Variants in AFF2 observed in about 807,000 individuals in gnomAD.
AFF2 encodes the protein AF4/FMR2 family member 2.
In AFF2, 14 loss-of-function variants were observed where a neutral mutation model predicts 76.9. The ratio of observed to expected loss-of-function variants is 0.18; its 90% CI spans 0.12 to 0.28. The LOEUF (loss-of-function observed/expected upper bound fraction) is 0.28. Among genes scored for constraint, AFF2 ranks in the 10% least tolerant of loss-of-function variants. AFF2 has a pLI of 1.00. For missense variants in AFF2, 868 were observed against 1,001.1 expected (o/e 0.87, Z 1.79); for synonymous variants, 398 against 366.7 (o/e 1.09, Z -0.98).
intron 7 of AFF2, among the ~76,000 whole-genome samples, chrX:148,881,161 G>T (rs2071091142): frequency 8.9e-6 from 1 of 111,807 alleles, no homozygotes; most frequent in African/African-American, 3.3e-5. Context: ...ACACCATTTT[G>T]TAGTTCACAA....
intron 1 of AFF2, among the ~76,000 whole-genome samples, chrX:148,564,163 T>G (rs1167557355): frequency 8.9e-6 from 1 of 111,888 alleles, no homozygotes; most frequent in Non-Finnish European, 1.9e-5. Context: ...ATAGCAGCAC[T>G]TACCTAACTG....
intron 3 of AFF2, among the ~76,000 whole-genome samples, chrX:148,670,036 T>G (rs185703414): frequency 8.9e-6 from 1 of 111,955 alleles, no homozygotes; most frequent in African/African-American, 3.2e-5. Context: ...TCATTGGTAT[T>G]CAAATTCATT....
In AFF2 at chrX:148,724,516, T is replaced by C. The variant is rs183232161; in HGVS notation, c.1041+61748T>C. The stretch of plus-strand genomic sequence containing the variant: ...TCATTTATTGAGAACTTATGATGAA[T>C]AAAATATTAGACCAGGTCTTTTACC... On this transcript the variant is annotated intron_variant, in intron 3 of 20. Transcript: ENST00000370460. Among the ~76,000 whole-genome samples the C allele has an allele frequency of 1.3e-4, 15 of 112,231 alleles. No homozygotes were observed. The East Asian group carries it at 4.0e-3, about 30-fold the overall frequency.
intron 1 of AFF2, among the ~76,000 whole-genome samples, chrX:148,561,075 G>A (rs1274129960): frequency 8.9e-6 from 1 of 112,044 alleles, no homozygotes; most frequent in Non-Finnish European, 1.9e-5. Flanking sequence ...TGAAGTCTAT[G>A]TCTTTTGCTT....
intron 9 of AFF2, among the ~76,000 whole-genome samples, chrX:148,950,451 G>A (rs1465994103): frequency 1.8e-5 from 2 of 111,849 alleles, no homozygotes; most frequent in African/African-American, 6.5e-5. Context: ...GCAACTTCCC[G>A]GAGAAAGCAA....
chrX:148,543,073 G>C (rs2052878001), intron 1 of AFF2, among the ~76,000 whole-genome samples: 2 of 111,600 alleles, frequency 1.8e-5, no homozygotes, highest in Non-Finnish European at 3.8e-5. Flanking sequence ...GCAGAGCCAG[G>C]ACTGGATCCG....
chrX:148,695,034 T>A (rs185129607), intron 3 of AFF2, among the ~76,000 whole-genome samples: 61 of 110,179 alleles, frequency 5.5e-4, no homozygotes, highest in African/African-American at 1.9e-3. Flanking sequence ...AAGGCTGGTC[T>A]CGAACTCCTG....
intron 5 of AFF2, among the ~76,000 whole-genome samples, chrX:148,839,407 T>G (rs2070569225): frequency 8.9e-6 from 1 of 112,187 alleles, no homozygotes; most frequent in South Asian, 3.7e-4. Context: ...TCTAAGCACT[T>G]AATATATAGT....
In AFF2 at chrX:148,692,411, T is replaced by C. The variant is rs781974131; in HGVS notation, c.1041+29643T>C. Among the ~76,000 whole-genome samples the C allele has an allele frequency of 6.2e-5, 7 of 112,300 alleles. No homozygotes were observed. In the South Asian group the frequency reaches 1.9e-3, roughly 30 times the overall value. On this transcript the variant is annotated intron_variant, in intron 3 of 20. Coordinates refer to ENST00000370460, the MANE Select transcript of AFF2 (RefSeq NM_002025.4). ...TAAGGCAAGCATTTAGGACTGGATGTATTGGTCAGCATTACTGATTTGTGT... is the reference window on the plus strand; with the variant it reads ...TAAGGCAAGCATTTAGGACTGGATGCATTGGTCAGCATTACTGATTTGTGT...
chrX:148,716,009 C>T (rs2055021145), intron 3 of AFF2, among the ~76,000 whole-genome samples: 1 of 111,574 alleles, frequency 9.0e-6, no homozygotes, highest in Non-Finnish European at 1.9e-5. Context: ...TTCTCTCTCT[C>T]TCTCTGTGTG....
At chrX:148,710,826 T>C (rs1342087263) in intron 3 of AFF2, among the ~76,000 whole-genome samples, 2 of 111,584 alleles carry the variant, frequency 1.8e-5, no homozygotes, top group South Asian at 3.7e-4. Context: ...TCACATATTT[T>C]TGAGCCTGTG....
chrX:148,806,546 C>T (rs1414698828), intron 3 of AFF2, among the ~76,000 whole-genome samples: 3 of 111,569 alleles, frequency 2.7e-5, no homozygotes, highest in Non-Finnish European at 5.6e-5. Context: ...CCTCAATTTG[C>T]ATGGAGTCTT....
intron 4 of AFF2, among the ~76,000 whole-genome samples, chrX:148,829,717 C>T (rs1306137106): frequency 2.7e-5 from 3 of 112,153 alleles, no homozygotes; most frequent in Admixed American, 9.4e-5. Flanking sequence ...ACACCCACTC[C>T]GCCACCTTTT....
chrX:148,572,957 T>G (rs1557242755), intron 1 of AFF2, among the ~76,000 whole-genome samples: 3 of 110,959 alleles, frequency 2.7e-5, no homozygotes, highest in Non-Finnish European at 5.7e-5. Context: ...CTAACTAGCT[T>G]TAACATTCAC....
chrX:148,965,858 G>C (rs1460460277), intron 13 of AFF2, among the ~76,000 whole-genome samples: 1 of 111,500 alleles, frequency 9.0e-6, no homozygotes, highest in African/African-American at 3.3e-5. Context: ...ACCAATGTTA[G>C]AGAGATACCA....
rs1312069228 is a variant in AFF2 at position 148,962,800 on chromosome X, C to T, written c.2776C>T (p.Arg926Cys). Residue 926 changes from arginine to cysteine, a missense_variant, in exon 13 of 21, where the codon CGC becomes TGC. Around this residue, in one of 6 missense-constraint regions of AFF2, gnomAD observed 532 missense variants for 564.2 expected, o/e 0.94. Coordinates refer to ENST00000370460, the MANE Select transcript of AFF2 (RefSeq NM_002025.4). ...PLSPLPEDPP[R>C]RRNVSGNNGP... ...TTCCCCACTGCCAGAGGACCCTCCA[C>T]GCCGCAGAAATGTCAGTGGCAATAA... 1.5e-5 allele frequency: 18 copies of T among 1,208,790 alleles called. No individual in the cohort carries two copies. Among genetic ancestry groups the T allele is most frequent in the South Asian group, 1.8e-5 (1 of 56,752 alleles).
rs1482220486 is a variant in AFF2 at position 148,919,854 on chromosome X, C to T, written c.1397+15596C>T. ...TAAGACTCTCACTGTGAATAGTTCT[C>T]ATTGTGCCATTTGCACAGAAATTCT... On this transcript the variant is annotated intron_variant, in intron 9 of 20. Coordinates refer to ENST00000370460, the MANE Select transcript of AFF2 (RefSeq NM_002025.4). 5.3e-5 allele frequency among the ~76,000 whole-genome samples: 6 copies of T among 112,260 alleles called. No individual in the cohort carries two copies. In the Admixed American group the frequency reaches 5.7e-4, roughly 11 times the overall value.
chrX:148,602,528 G>C (rs185613376), intron 1 of AFF2, among the ~76,000 whole-genome samples: 1 of 111,204 alleles, frequency 9.0e-6, no homozygotes, highest in Non-Finnish European at 1.9e-5. Flanking sequence ...GGTGAGAGTT[G>C]ATTCTGACTT....
chrX:148,597,859 C>T (rs1436346678), intron 1 of AFF2, among the ~76,000 whole-genome samples: 6 of 112,100 alleles, frequency 5.4e-5, no homozygotes, highest in African/African-American at 6.5e-5. Context: ...TCGTTTTACA[C>T]GGAAATAAAC....
Sources: allele counts gnomAD v4.1 joint callset (sites outside exome capture counted in the v4.1 genomes callset), GRCh38; gene constraint gnomAD v4.1.1; regional missense constraint gnomAD v4.1.1; transcripts MANE v1.5; gene names NCBI Gene and HGNC (gene_info 2026-07-23, HGNC 2026-07-21).